Variants in YPEL5 observed in about 807,000 individuals in gnomAD.
YPEL5 encodes protein yippee-like 5.
A neutral mutation model predicts 10.5 loss-of-function variants in YPEL5; 1 was observed. That is an observed-to-expected ratio of 0.10 (90% CI 0.03 to 0.45). YPEL5 has a LOEUF of 0.45. Among genes scored for constraint, YPEL5 ranks in the 20% least tolerant of loss-of-function variants. The pLI, the probability that YPEL5 is intolerant of heterozygous loss-of-function variation, is 0.97. For synonymous variants in YPEL5, 61 were observed against 56.6 expected (o/e 1.08, Z -0.35); for missense variants, 68 against 159.3 (o/e 0.43, Z 3.09).
chr2:30,151,738 C>G (rs374594519), intron 1 of YPEL5, among the ~76,000 whole-genome samples: 5 of 152,254 alleles, frequency 3.3e-5, no homozygotes, highest in African/African-American at 1.2e-4. Flanking sequence ...TAAACTTGAA[C>G]TTCAGCACTG....
At chr2:30,148,891 T>C (rs962111929) in intron 1 of YPEL5, among the ~76,000 whole-genome samples, 3 of 152,200 alleles carry the variant, frequency 2.0e-5, no homozygotes, top group Non-Finnish European at 2.9e-5. Context: ...GCCTAAAATA[T>C]CATTCTAGGT....
At chr2:30,154,200 A>C (rs957061499) in intron 1 of YPEL5, among the ~76,000 whole-genome samples, 8 of 152,360 alleles carry the variant, frequency 5.3e-5, no homozygotes, top group African/African-American at 1.9e-4. Context: ...GTCTTCAAAG[A>C]CATACAGAAT....
At chr2:30,158,294 G>GAATAAT (rs2103522278) in intron 2 of YPEL5, among the ~76,000 whole-genome samples, 1 of 152,256 alleles carries the variant, frequency 6.6e-6, no homozygotes, top group East Asian at 1.9e-4. Flanking sequence ...TACTACAACT[G>GAATAAT]GACCCAAACC....
intron 1 of YPEL5, among the ~76,000 whole-genome samples, chr2:30,152,209 G>GA (rs1218624777): frequency 2.6e-5 from 4 of 151,868 alleles, no homozygotes; most frequent in East Asian, 1.9e-4. Context: ...TATTCTGTCA[G>GA]AAAAAAGTTT....
chr2:30,152,460 T>C (rs2103511454), intron 1 of YPEL5, among the ~76,000 whole-genome samples: 1 of 152,302 alleles, frequency 6.6e-6, no homozygotes, highest in African/African-American at 2.4e-5. Flanking sequence ...GTCTTGTTAA[T>C]TTTGCAGTTT....
chr2:30,149,657 C>T (rs758634457), intron 1 of YPEL5, among the ~76,000 whole-genome samples: 2 of 152,194 alleles, frequency 1.3e-5, no homozygotes, highest in Non-Finnish European at 2.9e-5. Flanking sequence ...AGCTGGCTTC[C>T]ACGGGATTCC....
chr2:30,157,204 A>G (rs1316231959), intron 2 of YPEL5, among the ~76,000 whole-genome samples: 1 of 151,852 alleles, frequency 6.6e-6, no homozygotes, highest in Non-Finnish European at 1.5e-5. Flanking sequence ...AAACACTTGA[A>G]CCTGGGAGGC....
rs1676097162 is a variant in YPEL5 at position 30,157,538 on chromosome 2, T to G, written c.141+746T>G. On this transcript the variant is annotated intron_variant, in intron 2 of 2. Transcript: ENST00000261353. ...GCTCACCAATCATCCTTCCATGGAT[T>G]TGCTGACAGGAAGAGTGTTTTTCTG... Among the ~76,000 whole-genome samples, 5 of 152,242 alleles carry G rather than the reference T, an allele frequency of 3.3e-5. No individual in the cohort carries two copies. In the South Asian group the frequency reaches 1.0e-3, roughly 32 times the overall value.
chr2:30,159,089 C>G lies in YPEL5; in HGVS notation c.*246C>G. On this transcript the variant is annotated 3_prime_UTR_variant, in exon 3 of 3. Transcript: ENST00000261353. ...TTAATTTTTTACCCTATGTTTACAT[C>G]TTGAGGCAGCAGAGTCTGTCTGCAG... 2.0e-6 allele frequency: 1 copy of G among 488,450 alleles called. No individual in the cohort carries two copies. Among genetic ancestry groups the G allele is most frequent in the South Asian group, 2.6e-5 (1 of 38,510 alleles). 30.3% of individuals were successfully genotyped at this position (488,450 alleles called of 1,614,324 possible). A position where few individuals can be genotyped will look rare whatever the true frequency, so the allele number is the denominator to read the frequency against.
At chr2:30,152,087 A>G (rs940084855) in intron 1 of YPEL5, among the ~76,000 whole-genome samples, 3 of 152,198 alleles carry the variant, frequency 2.0e-5, no homozygotes, top group Non-Finnish European at 2.9e-5. Context: ...AATTTTATAA[A>G]TTGACTAGAA....
At chr2:30,152,162 T>G (rs922416583) in intron 1 of YPEL5, among the ~76,000 whole-genome samples, 19 of 149,560 alleles carry the variant, frequency 1.3e-4, no homozygotes, top group African/African-American at 2.7e-4. Flanking sequence ...AATAAAGCGG[T>G]TTTTTTTTTC....
intron 1 of YPEL5, chr2:30,148,213 C>G (rs771136801): frequency 1.1e-4 from 16 of 152,196 alleles, no homozygotes; most frequent in Non-Finnish European, 2.2e-4. Flanking sequence ...AGCTGTACAG[C>G]TCATTTATTT....
chr2:30,152,750 T>C (rs1675858137), intron 1 of YPEL5, among the ~76,000 whole-genome samples: 1 of 152,214 alleles, frequency 6.6e-6, no homozygotes, highest in African/African-American at 2.4e-5. Flanking sequence ...GGTATGTAAA[T>C]ACCAAGTACA....
intron 2 of YPEL5, 40 bp downstream of exon 2, chr2:30,156,832 G>T (rs778207049): frequency 6.4e-5 from 103 of 1,610,938 alleles, no homozygotes; most frequent in Non-Finnish European, 8.2e-5. Flanking sequence ...GGGCTTATTG[G>T]CTGTATTTGA....
intron 2 of YPEL5, 100 bp from the exon 3 acceptor site, chr2:30,158,519 C>T: frequency 2.7e-6 from 3 of 1,121,004 alleles, no homozygotes; most frequent in Non-Finnish European, 3.9e-6. Flanking sequence ...AGTTCTTTCT[C>T]CTTTTCTGAA....
chr2:30,149,260 A>T (rs1465941288), intron 1 of YPEL5, among the ~76,000 whole-genome samples: 1 of 152,200 alleles, frequency 6.6e-6, no homozygotes, highest in African/African-American at 2.4e-5. Flanking sequence ...AAACAGGAAA[A>T]AATAAGGCAT....
intron 1 of YPEL5, among the ~76,000 whole-genome samples, chr2:30,151,407 G>A (rs1264600878): frequency 1.3e-5 from 2 of 152,052 alleles, no homozygotes; most frequent in Non-Finnish European, 2.9e-5. Context: ...ATTGGAAGTT[G>A]TAGATAGCTA....
intron 1 of YPEL5, among the ~76,000 whole-genome samples, chr2:30,153,479 A>T (rs13017699): frequency 0.33 from 49,711 of 151,992 alleles, 9,374 homozygotes; most frequent in Non-Finnish European, 0.44. Context: ...ATCACATATG[A>T]ATGGTGGGGG....
chr2:30,149,324 C>G (rs763987553), intron 1 of YPEL5, among the ~76,000 whole-genome samples: 3 of 152,142 alleles, frequency 2.0e-5, no homozygotes, highest in Admixed American at 6.5e-5. Flanking sequence ...AAATGAAGAC[C>G]TGATTCCACA....
Sources: gnomAD v4.1 joint callset for allele counts (sites outside exome capture counted in the v4.1 genomes callset) on GRCh38, gnomAD v4.1.1 for gene constraint, MANE v1.5 for transcripts, NCBI Gene and HGNC (gene_info 2026-07-23, HGNC 2026-07-21) for gene names.